Variants in SRPK1 observed in about 807,000 individuals in gnomAD.
SRPK1 encodes the protein SFRS protein kinase 1.
Under a neutral mutation model 89.5 loss-of-function variants are expected in SRPK1, and 52 were observed. That is an observed-to-expected ratio of 0.58 (90% CI 0.46 to 0.73). The LOEUF is 0.73. Among genes scored for constraint, SRPK1 ranks in the 30% least tolerant of loss-of-function variants. The pLI is 0.00. For missense variants in SRPK1, 603 were observed against 780.6 expected, an observed-to-expected ratio of 0.77 and a Z score of 2.71; for synonymous variants, 255 against 270.2, an observed-to-expected ratio of 0.94 and a Z score of 0.55.
chr6:35,880,742 A>AGAAAGAAAG (rs1554152654), intron 6 of SRPK1, among the ~76,000 whole-genome samples: 18 of 28,190 alleles, frequency 6.4e-4, no homozygotes, highest in African/African-American at 3.1e-3. Flanking sequence ...AAAGAAAAAA[A>AGAAAGAAAG]AAAAAAAAGA....
At chr6:35,867,486 A>C (rs867224421) in intron 12 of SRPK1, among the ~76,000 whole-genome samples, 12 of 152,292 alleles carry the variant, frequency 7.9e-5, no homozygotes, top group Non-Finnish European at 1.5e-4. Context: ...TTTATGTGTG[A>C]ATCATTCTAT....
chr6:35,842,081 AAAGG>A (rs1178294999), intron 14 of SRPK1, among the ~76,000 whole-genome samples: 4 of 152,184 alleles, frequency 2.6e-5, no homozygotes, highest in African/African-American at 7.2e-5. Flanking sequence ...TATATTCAGA[AAAGG>A]GAAAAAAGAA....
chr6:35,897,902 T>G (rs1770657168), intron 2 of SRPK1, among the ~76,000 whole-genome samples: 1 of 152,216 alleles, frequency 6.6e-6, no homozygotes, highest in African/African-American at 2.4e-5. Context: ...TTGAATAGAT[T>G]TATTAGCTGC....
chr6:35,847,978 C>A (rs1769461187), intron 13 of SRPK1, among the ~76,000 whole-genome samples: 1 of 151,888 alleles, frequency 6.6e-6, no homozygotes, highest in African/African-American at 2.4e-5. Flanking sequence ...CCACACTTGG[C>A]TAATTTTTAA....
At chr6:35,908,745 G>C (rs189418072) in intron 2 of SRPK1, among the ~76,000 whole-genome samples, 1 of 152,168 alleles carries the variant, frequency 6.6e-6, no homozygotes, top group Admixed American at 6.5e-5. Flanking sequence ...AGAAAATGTC[G>C]TCAGGGCATG....
chr6:35,867,025 G>A (rs1006006353), intron 12 of SRPK1, among the ~76,000 whole-genome samples: 3 of 152,206 alleles, frequency 2.0e-5, no homozygotes, highest in African/African-American at 7.2e-5. Context: ...GGGTGAAAGG[G>A]TGGATGAAGG....
chr6:35,838,609 A>C, intron 14 of SRPK1, 180 bp from the exon 15 acceptor site: 1 of 1,542,642 alleles, frequency 6.5e-7, no homozygotes. Flanking sequence ...AGAATTCACA[A>C]AGTCAAATTT....
At chr6:35,915,990 A>G (rs1463834205) in intron 2 of SRPK1, among the ~76,000 whole-genome samples, 3 of 95,984 alleles carry the variant, frequency 3.1e-5, no homozygotes, top group Non-Finnish European at 5.7e-5. Context: ...AAAAAAAAAA[A>G]AATATATACA....
intron 2 of SRPK1, among the ~76,000 whole-genome samples, chr6:35,902,009 C>T (rs1172066590): frequency 6.6e-6 from 1 of 152,038 alleles, no homozygotes; most frequent in Admixed American, 6.6e-5. Flanking sequence ...GGTGACTATA[C>T]TCCAAACTCT....
intron 14 of SRPK1, among the ~76,000 whole-genome samples, chr6:35,842,295 G>A (rs1039934300): frequency 4.6e-5 from 7 of 152,156 alleles, no homozygotes; most frequent in African/African-American, 1.4e-4. Flanking sequence ...AGAAAAAATT[G>A]TCCAGCACAC....
chr6:35,909,796 C>CTTGTG (rs1342362414), intron 2 of SRPK1, among the ~76,000 whole-genome samples: 1 of 152,142 alleles, frequency 6.6e-6, no homozygotes, highest in Admixed American at 6.5e-5. Context: ...CTCCTGCCAA[C>CTTGTG]TTGTGAAGAA....
chr6:35,902,206 G>C (rs1265952258), intron 2 of SRPK1, among the ~76,000 whole-genome samples: 1 of 148,012 alleles, frequency 6.8e-6, no homozygotes, highest in East Asian at 2.0e-4. Context: ...GCCCAGCCTG[G>C]GCCAGATGGC....
At chr6:35,912,188 TA>T (rs951293389) in intron 2 of SRPK1, among the ~76,000 whole-genome samples, 51 of 151,638 alleles carry the variant, frequency 3.4e-4, no homozygotes, top group African/African-American at 1.2e-3. Context: ...AATAAAAAAA[TA>T]AAAAATAAAA....
In SRPK1 at chr6:35,880,803, C is replaced by T. The variant is rs374103888; in HGVS notation, c.478+5921G>A. 5.4e-3 allele frequency among the ~76,000 whole-genome samples: 572 copies of T among 105,812 alleles called. 4 individuals carry two copies. Among genetic ancestry groups the T allele is most frequent in the Admixed American group, 0.011 (115 of 10,688 alleles). The allele number at this position is 105,812 out of a possible 152,430, so 69.4% of individuals were successfully genotyped here. A position where few individuals can be genotyped will look rare whatever the true frequency, so the allele number is the denominator to read the frequency against. On this transcript the variant is annotated intron_variant, in intron 6 of 15. Coordinates refer to ENST00000373825, the MANE Select transcript of SRPK1 (RefSeq NM_003137.5). ...ACAGAATATTTGAAAAAAAAAACAA[C>T]GGTTGAAAACGTCACAAATTAGATG...
chr6:35,899,346 T>G (rs372656907), intron 2 of SRPK1, among the ~76,000 whole-genome samples: 42 of 152,222 alleles, frequency 2.8e-4, no homozygotes, highest in African/African-American at 9.9e-4. Flanking sequence ...TCAGAGAACT[T>G]CCTTGACTTT....
chr6:35,895,075 T>G (rs1770602190), intron 2 of SRPK1, among the ~76,000 whole-genome samples: 1 of 152,120 alleles, frequency 6.6e-6, no homozygotes, highest in African/African-American at 2.4e-5. Flanking sequence ...TGAGACATAC[T>G]TTCTGGAGGA....
chr6:35,836,832 G>A (rs1030210001), intron 15 of SRPK1, among the ~76,000 whole-genome samples: 1 of 151,646 alleles, frequency 6.6e-6, no homozygotes, highest in African/African-American at 2.4e-5. Context: ...TGAGCAGTGA[G>A]TGCCTATTTG....
At chr6:35,874,193 A>G (rs761659454) in intron 7 of SRPK1, 40 bp downstream of exon 7, 3 of 1,444,600 alleles carry the variant, frequency 2.1e-6, no homozygotes, top group Non-Finnish European at 2.9e-6. Context: ...AAATCACTAC[A>G]TAGTCAAGAC....
At chr6:35,853,906 CAG>C (rs1769612643) in intron 13 of SRPK1, among the ~76,000 whole-genome samples, 2 of 149,580 alleles carry the variant, frequency 1.3e-5, no homozygotes, top group South Asian at 2.1e-4. Context: ...TTTTTTGAGA[CAG>C]AGTCTCACTG....
Sources: gnomAD v4.1 joint callset for allele counts (sites outside exome capture counted in the v4.1 genomes callset) on GRCh38, gnomAD v4.1.1 for gene constraint, MANE v1.5 for transcripts, NCBI Gene and HGNC (gene_info 2026-07-23, HGNC 2026-07-21) for gene names.